The following PDZD2 variants were observed in gnomAD, a reference collection of about 807,000 sequenced individuals.
PDZD2 encodes the protein PDZ domain containing 2, also known as PDZ domain-containing protein 2.
A neutral mutation model predicts 220.7 loss-of-function variants in PDZD2; 90 were observed. That is an observed-to-expected ratio of 0.41 (90% confidence interval 0.34 to 0.49). The LOEUF is 0.49. PDZD2 is among the 20% of genes least tolerant of loss of function. The pLI is 0.28. For synonymous variants in PDZD2, 1,375 were observed against 1,450.5 expected, an observed-to-expected ratio of 0.95 and a Z score of 1.18; for missense variants, 3,174 against 3,608.5, an observed-to-expected ratio of 0.88 and a Z score of 3.08.
At chr5:31,974,904 G>A (rs528329171) in intron 2 of PDZD2, among the ~76,000 whole-genome samples, 7 of 152,218 alleles carry the variant, frequency 4.6e-5, no homozygotes, top group African/African-American at 7.2e-5. Context: ...TAGTGAGACC[G>A]TGTCTCAGAA....
rs200361032 is a variant in PDZD2 at position 32,089,269 on chromosome 5, G to A, written c.5821G>A (p.Glu1941Lys). 5.6e-5 allele frequency: 91 copies of A among 1,614,020 alleles called. 1 individual carries two copies. Among genetic ancestry groups the A allele is most frequent in the South Asian group, 2.2e-4 (20 of 91,086 alleles). ...VSQRLHVADH[E>K]DPDRNTTAAP... ...ACAGCGGCTCCATGTAGCCGACCAC[G>A]AGGACCCTGACAGAAACACCACAGC... Residue 1941 changes from glutamate (E) to lysine (K), a missense_variant, in exon 20 of 25, where the codon GAG (glutamate) becomes AAG (lysine). By Grantham distance (56) the Glu-to-Lys change is moderately conservative. Transcript: ENST00000438447.
At chr5:31,978,669 T>A (rs955491266) in intron 2 of PDZD2, among the ~76,000 whole-genome samples, 3 of 141,226 alleles carry the variant, frequency 2.1e-5, no homozygotes. Context: ...GAGCCAAGAT[T>A]GCACCGCTGC....
At chr5:31,857,673 C>G (rs961108987) in intron 2 of PDZD2, among the ~76,000 whole-genome samples, 2 of 152,192 alleles carry the variant, frequency 1.3e-5, no homozygotes, top group Non-Finnish European at 2.9e-5. Context: ...CTAATATTCT[C>G]TCTGTTGTCA....
chr5:31,673,772 A>T (rs886944099), intron 1 of PDZD2, among the ~76,000 whole-genome samples: 5 of 152,096 alleles, frequency 3.3e-5, no homozygotes, highest in African/African-American at 1.2e-4. Flanking sequence ...GGAGTTCAAG[A>T]CCAGCCTGGC....
At chr5:31,645,662 C>T (rs982484606) in intron 1 of PDZD2, among the ~76,000 whole-genome samples, 2 of 152,110 alleles carry the variant, frequency 1.3e-5, no homozygotes, top group African/African-American at 4.8e-5. Context: ...CACTTGGACA[C>T]CTCTAGTACT....
intron 2 of PDZD2, among the ~76,000 whole-genome samples, chr5:31,875,466 A>G (rs1057453509): frequency 6.6e-6 from 1 of 151,486 alleles, no homozygotes; most frequent in Non-Finnish European, 1.5e-5. Context: ...CATGCCTGTA[A>G]TCCTGGCGAC....
chr5:32,010,595 A>G (rs2112081853), intron 6 of PDZD2, 113 bp downstream of exon 6: 1 of 779,196 alleles, frequency 1.3e-6, no homozygotes. Flanking sequence ...CATGATGGGA[A>G]AAGACACCAG....
Position 31,810,992 on chromosome 5 carries a change from A to AT in PDZD2, c.476+11275dup, listed in dbSNP as rs551419871. 2.8e-4 allele frequency among the ~76,000 whole-genome samples: 43 copies of AT among 152,034 alleles called. 1 individual carries two copies. The highest frequency in any genetic ancestry group is 2.0e-3 in the Admixed American group (31 of 15,266). On this transcript the variant is annotated intron_variant, in intron 2 of 24. Transcript: ENST00000438447. ...GATACTAGTGGCCTTTTCATTTTTT[A>AT]TTTTTTTGAGACAGAGTCTCGCTGT...
At chr5:31,707,237 G>A (rs922982134) in intron 1 of PDZD2, among the ~76,000 whole-genome samples, 2 of 151,712 alleles carry the variant, frequency 1.3e-5, no homozygotes, top group Non-Finnish European at 2.9e-5. Flanking sequence ...CACCAACATG[G>A]CACATGTATA....
intron 7 of PDZD2, among the ~76,000 whole-genome samples, chr5:32,040,420 G>A (rs141344243): frequency 0.016 from 2,340 of 142,132 alleles, 75 homozygotes; most frequent in African/African-American, 0.06. Flanking sequence ...AGGAAGTGAG[G>A]AGCGTCTCTG....
chr5:31,806,566 A>C (rs565580391), intron 2 of PDZD2, among the ~76,000 whole-genome samples: 12 of 152,280 alleles, frequency 7.9e-5, no homozygotes, highest in African/African-American at 2.6e-4. Flanking sequence ...GTTTGATGTC[A>C]CCTGCCCCAT....
intron 2 of PDZD2, among the ~76,000 whole-genome samples, chr5:31,930,461 A>G (rs1745181057): frequency 6.6e-6 from 1 of 151,894 alleles, no homozygotes; most frequent in East Asian, 2.0e-4. Flanking sequence ...GGCCTCCCAA[A>G]GTGCTGGGAT....
At chr5:31,739,672 C>CTGAA (rs1307869281) in intron 1 of PDZD2, among the ~76,000 whole-genome samples, 2 of 152,214 alleles carry the variant, frequency 1.3e-5, no homozygotes, top group Non-Finnish European at 2.9e-5. Flanking sequence ...CCCTAAAGAG[C>CTGAA]TGAAGGTCTT....
In PDZD2 at chr5:31,931,278, C is replaced by T. The variant is rs1372553881; in HGVS notation, c.477-51877C>T. 3.9e-5 allele frequency among the ~76,000 whole-genome samples: 6 copies of T among 152,186 alleles called. 1 individual carries two copies. Among genetic ancestry groups the T allele is most frequent in the Non-Finnish European group, 8.8e-5 (6 of 68,034 alleles). On this transcript the variant is annotated intron_variant, in intron 2 of 24. Transcript: ENST00000438447. ...CATCAAGTGATCCACCTGCCTCAGC[C>T]TCCTGAGTAGCTGGGATGACAGGCG...
At chr5:31,753,941 C>T (rs1402952473) in intron 1 of PDZD2, among the ~76,000 whole-genome samples, 1 of 152,134 alleles carries the variant, frequency 6.6e-6, no homozygotes, top group East Asian at 1.9e-4. Flanking sequence ...CATTAGCATC[C>T]CATTGTTCTG....
chr5:31,822,911 A>T, intron 2 of PDZD2: 1 of 891,632 alleles, frequency 1.1e-6, no homozygotes, highest in Non-Finnish European at 1.8e-6. Flanking sequence ...TTCTGTGCAT[A>T]ACTACAAATA....
chr5:31,702,692 C>T (rs568198581), intron 1 of PDZD2, among the ~76,000 whole-genome samples: 3 of 152,316 alleles, frequency 2.0e-5, no homozygotes, highest in South Asian at 2.1e-4. Context: ...AAGATTATCT[C>T]GAAATTTCTT....
chr5:31,982,531 C>G (rs1338402284), intron 2 of PDZD2, among the ~76,000 whole-genome samples: 1 of 152,168 alleles, frequency 6.6e-6, no homozygotes, highest in African/African-American at 2.4e-5. Context: ...TGGTCTCAAA[C>G]CCCTGGACTC....
At position 31,879,715 on chromosome 5, in the gene PDZD2, T is replaced by G. The variant is rs529711996; in HGVS notation, c.476+79991T>G. ...ATAAGGATTGGAGAATTTTTTCCCTTCCAAGGCAGATTTTAAAACGTTTTC... is the reference window on the plus strand; with the variant it reads ...ATAAGGATTGGAGAATTTTTTCCCTGCCAAGGCAGATTTTAAAACGTTTTC... On this transcript the variant is annotated intron_variant, in intron 2 of 24. Transcript: ENST00000438447. Among the ~76,000 whole-genome samples, 102 of 152,222 alleles carry G rather than the reference T, an allele frequency of 6.7e-4. No homozygotes were observed. In the South Asian group the frequency reaches 0.02, roughly 30 times the overall value.
Sources: gnomAD v4.1 joint callset for allele counts (sites outside exome capture counted in the v4.1 genomes callset) on GRCh38, gnomAD v4.1.1 for gene constraint, MANE v1.5 for transcripts, NCBI Gene and HGNC (gene_info 2026-07-23, HGNC 2026-07-21) for gene names.